The following EPHA4 variants were observed in gnomAD, a reference collection of about 807,000 sequenced individuals.
EPHA4 encodes the protein ephrin type-A receptor 4.
EPHA4 carries 19 observed loss-of-function variants against 108.3 expected under a neutral mutation model. The ratio of observed to expected loss-of-function variants is 0.18; its 90% CI spans 0.12 to 0.26. The LOEUF (loss-of-function observed/expected upper bound fraction) is 0.26, where lower values mean the gene tolerates loss of function less well. EPHA4 is among the 10% of genes least tolerant of loss of function. EPHA4 has a pLI of 1.00. For synonymous variants in EPHA4, 449 were observed against 455.5 expected (o/e 0.99, Z 0.18); for missense variants, 917 against 1,254.0 (o/e 0.73, Z 4.06).
intron 4 of EPHA4, among the ~76,000 whole-genome samples, chr2:221,489,468 T>A (rs983782330): frequency 6.6e-6 from 1 of 152,196 alleles, no homozygotes; most frequent in South Asian, 2.1e-4. Flanking sequence ...TTGGAGCTGG[T>A]AGTTCTGCTT....
At chr2:221,554,198 A>G (rs1263752527) in intron 3 of EPHA4, among the ~76,000 whole-genome samples, 2 of 152,180 alleles carry the variant, frequency 1.3e-5, no homozygotes, top group Admixed American at 1.3e-4. Flanking sequence ...AATCCTAATA[A>G]TCCATCCCAA....
chr2:221,430,285 A>C, intron 14 of EPHA4, 134 bp from the exon 15 acceptor site: 1 of 827,446 alleles, frequency 1.2e-6, no homozygotes, highest in Non-Finnish European at 1.9e-6. Flanking sequence ...CAACTCCTTC[A>C]CATGAGCCAA....
At chr2:221,540,120 A>G (rs1450233354) in intron 3 of EPHA4, among the ~76,000 whole-genome samples, 1 of 152,074 alleles carries the variant, frequency 6.6e-6, no homozygotes, top group Non-Finnish European at 1.5e-5. Flanking sequence ...GAATTTCACC[A>G]TGTTGGCCAG....
chr2:221,539,734 T>G (rs965501411), intron 3 of EPHA4, among the ~76,000 whole-genome samples: 1 of 152,124 alleles, frequency 6.6e-6, no homozygotes, highest in Admixed American at 6.5e-5. Context: ...TAAAAGCCAA[T>G]GGTGGTTTCA....
intron 5 of EPHA4, among the ~76,000 whole-genome samples, chr2:221,477,570 C>G (rs529004463): frequency 6.6e-6 from 1 of 152,270 alleles, no homozygotes; most frequent in South Asian, 2.1e-4. Flanking sequence ...GCAGAAATCA[C>G]CCCCAATTTA....
At chr2:221,494,486 A>T (rs1482430857) in intron 4 of EPHA4, among the ~76,000 whole-genome samples, 1 of 152,128 alleles carries the variant, frequency 6.6e-6, no homozygotes, top group Non-Finnish European at 1.5e-5. Flanking sequence ...CATGTCTGTA[A>T]ATCCCAGCTA....
At chr2:221,532,403 G>A (rs1693549172) in intron 3 of EPHA4, among the ~76,000 whole-genome samples, 1 of 152,198 alleles carries the variant, frequency 6.6e-6, no homozygotes. Flanking sequence ...GATGACAGGT[G>A]TGAGCCACTG....
intron 3 of EPHA4, among the ~76,000 whole-genome samples, chr2:221,512,136 T>C (rs937735630): frequency 6.6e-6 from 1 of 152,200 alleles, no homozygotes; most frequent in Non-Finnish European, 1.5e-5. Flanking sequence ...AATGACTCTA[T>C]AATAATATTT....
In EPHA4 at chr2:221,564,123, T is replaced by C. The variant is rs757903625; in HGVS notation, c.431A>G (p.Lys144Arg). The change falls in exon 3 of 18, where the codon AAA (lysine) becomes AGA (arginine). Residue 144 changes from lysine (K) to arginine (R), a missense_variant. By Grantham distance (26) the Lys-to-Arg change is conservative. This residue lies in a region of EPHA4 where 758 missense variants were observed against 1,076.7 expected (regional missense o/e 0.70). Transcript: ENST00000281821. ...ERFIRENQFV[K>R]IDTIAADESF... ...CTCATCAGCAGCAATGGTGTCAATT[T>C]TGACAAACTGGTTCTCTCTGATGAA... is the stretch of plus-strand genomic sequence containing the variant. The C allele has an allele frequency of 3.1e-6, 5 of 1,614,164 alleles. No individual in the cohort carries two copies. In the South Asian group the frequency reaches 4.4e-5, roughly 14 times the overall value.
At chr2:221,472,982 T>G (rs1159986451) in intron 5 of EPHA4, among the ~76,000 whole-genome samples, 2 of 152,196 alleles carry the variant, frequency 1.3e-5, no homozygotes, top group African/African-American at 4.8e-5. Context: ...GACATTTTGA[T>G]GACCATTCAG....
intron 14 of EPHA4, among the ~76,000 whole-genome samples, chr2:221,432,490 A>C (rs1234543770): frequency 6.6e-6 from 1 of 152,168 alleles, no homozygotes; most frequent in Non-Finnish European, 1.5e-5. Flanking sequence ...ACTATCACTT[A>C]GGCTAGCTGC....
chr2:221,432,165 C>CAT (rs766833771), intron 14 of EPHA4, among the ~76,000 whole-genome samples: 4 of 149,702 alleles, frequency 2.7e-5, no homozygotes, highest in Non-Finnish European at 5.9e-5. Flanking sequence ...ATATAAAATA[C>CAT]ATATATATAA....
At position 221,420,273 on chromosome 2, in the gene EPHA4, C is replaced by A. The variant is rs1689719075; in HGVS notation, c.*1099G>T. On this transcript the variant is annotated 3_prime_UTR_variant, in exon 18 of 18. Coordinates refer to ENST00000281821, the MANE Select transcript of EPHA4 (RefSeq NM_004438.5). ...AGTCTGGGGCAAGGGCTCTGCAGAGCTGGTGCTGCGAGACAGTGCATTCCT... is the reference window on the plus strand; with the variant it reads ...AGTCTGGGGCAAGGGCTCTGCAGAGATGGTGCTGCGAGACAGTGCATTCCT... 1 of 152,760 alleles carries A rather than the reference C, an allele frequency of 6.5e-6. No homozygotes were observed. The highest frequency in any genetic ancestry group is 1.5e-5 in the Non-Finnish European group (1 of 68,042). 9.5% of individuals were successfully genotyped at this position (152,760 alleles called of 1,614,324 possible).
intron 4 of EPHA4, among the ~76,000 whole-genome samples, chr2:221,487,612 A>G (rs1692016901): frequency 6.6e-6 from 1 of 152,096 alleles, no homozygotes; most frequent in Non-Finnish European, 1.5e-5. Context: ...TAATTTTTTC[A>G]CCCAAATCAA....
intron 3 of EPHA4, among the ~76,000 whole-genome samples, chr2:221,526,141 G>A (rs567585701): frequency 2.6e-5 from 4 of 152,134 alleles, no homozygotes; most frequent in Non-Finnish European, 5.9e-5. Flanking sequence ...TTAAGCTAAG[G>A]AAACTGGGGC....
chr2:221,567,821 C>A (rs1312896949), intron 2 of EPHA4, among the ~76,000 whole-genome samples: 1 of 152,178 alleles, frequency 6.6e-6, no homozygotes. Flanking sequence ...TAATCTTTCA[C>A]CCCCATTGTT....
chr2:221,547,483 T>TA (rs1156932736), intron 3 of EPHA4, among the ~76,000 whole-genome samples: 1 of 152,228 alleles, frequency 6.6e-6, no homozygotes, highest in East Asian at 1.9e-4. Flanking sequence ...TCTGCTGTGA[T>TA]ACAGAGTCAA....
intron 4 of EPHA4, among the ~76,000 whole-genome samples, chr2:221,487,027 A>G (rs909386481): frequency 6.6e-6 from 1 of 152,088 alleles, no homozygotes; most frequent in Non-Finnish European, 1.5e-5. Flanking sequence ...AGTTTGTTTC[A>G]ATTGCCTCTT....
intron 11 of EPHA4, chr2:221,437,485 T>A (rs1420856718): frequency 1.2e-5 from 2 of 170,692 alleles, no homozygotes; most frequent in Admixed American, 1.2e-4. Flanking sequence ...ATAATTAATT[T>A]ATTTTGTCCT....
Sources: allele counts gnomAD v4.1 joint callset (sites outside exome capture counted in the v4.1 genomes callset), GRCh38; gene constraint gnomAD v4.1.1; regional missense constraint gnomAD v4.1.1; transcripts MANE v1.5; gene names NCBI Gene and HGNC (gene_info 2026-07-23, HGNC 2026-07-21).